Variants in CHAC2 observed in about 807,000 individuals in gnomAD.
The protein encoded by CHAC2 is ChaC glutathione specific gamma-glutamylcyclotransferase 2.
Under a neutral mutation model 16.9 loss-of-function variants are expected in CHAC2, and 20 were observed. The observed-to-expected ratio is 1.18, with a 90% CI of 0.83 to 1.72. The LOEUF is 1.72. Among genes scored for constraint, CHAC2 ranks in the 40% most tolerant of loss-of-function variants. The pLI is 0.00. For missense variants in CHAC2, 269 were observed against 222.2 expected, an observed-to-expected ratio of 1.21 and a Z score of -1.34; for synonymous variants, 91 against 77.3, an observed-to-expected ratio of 1.18 and a Z score of -0.93.
At chr2:53,770,953 A>G (rs1346410610) in intron 1 of CHAC2, among the ~76,000 whole-genome samples, 2 of 152,170 alleles carry the variant, frequency 1.3e-5, no homozygotes, top group African/African-American at 4.8e-5. Context: ...AGTGTAAATC[A>G]CTCATTCTCT....
In CHAC2 at chr2:53,768,053, G is replaced by GC. The variant is rs754103470; in HGVS notation, c.135+37dup. On this transcript the variant is annotated intron_variant, in intron 1 of 2. Coordinates refer to ENST00000295304, the MANE Select transcript of CHAC2 (RefSeq NM_001008708.4). ...CGCCGGTCAGCTCCCCACACTTACTGCCCCCTGACCCCTGCTCCCCAACTC... is the reference window on the plus strand; with the variant it reads ...CGCCGGTCAGCTCCCCACACTTACTGCCCCCCTGACCCCTGCTCCCCAACTC... The GC allele has an allele frequency of 8.1e-6, 13 of 1,608,568 alleles. No homozygotes were observed. In the Admixed American group the frequency reaches 1.8e-4, roughly 23 times the overall value.
At chr2:53,774,039 C>G in intron 2 of CHAC2, 103 bp from the exon 3 acceptor site, 1 of 1,285,892 alleles carries the variant, frequency 7.8e-7, no homozygotes, top group Non-Finnish European at 1.1e-6. Flanking sequence ...ATCTCAAAAA[C>G]AAACAGAAAA....
At position 53,772,415 on chromosome 2, in the gene CHAC2, C is replaced by T. The variant is rs185779344; in HGVS notation, c.171+473C>T. 2.5e-3 allele frequency among the ~76,000 whole-genome samples: 380 copies of T among 152,238 alleles called. 6 individuals are homozygous for T. The highest frequency in any genetic ancestry group is 2.6e-4 in the Non-Finnish European group (18 of 68,000). ...GGTCTCAATCTCCCGACCTCGTGAT[C>T]CGCCCGCCTTGGCCTCCCAAAGTGC... On this transcript the variant is annotated intron_variant, in intron 2 of 2. Transcript: ENST00000295304.
rs1462679514 is a variant in CHAC2, at chr2:53,774,175, G to A, written c.205G>A (p.Val69Ile). The A allele has an allele frequency of 1.2e-6, 2 of 1,612,014 alleles. No individual in the cohort carries two copies. Among genetic ancestry groups the A allele is most frequent in the East Asian group, 2.2e-5 (1 of 44,856 alleles). Residue 69 changes from valine (V) to isoleucine (I), a missense_variant, in exon 3 of 3, where the codon GTA becomes ATA. Transcript: ENST00000295304. ...ATGGGGTGTTGCTTACAGATTGCCA[G>A]TAGGAAAGGAAGAAGAAGTAAAAGC... The part of the protein sequence containing the change: ...CVWGVAYRLP[V>I]GKEEEVKAYL...
intron 1 of CHAC2, 106 bp downstream of exon 1, chr2:53,768,127 G>A: frequency 1.5e-6 from 2 of 1,309,364 alleles, no homozygotes; most frequent in East Asian, 2.4e-5. Flanking sequence ...CGCTTCATGG[G>A]GCCAAAGCAC....
At chr2:53,768,121 T>G in intron 1 of CHAC2, 100 bp downstream of exon 1, 7 of 1,352,296 alleles carry the variant, frequency 5.2e-6, no homozygotes, top group Non-Finnish European at 7.1e-6. Flanking sequence ...CCTTAGCGCT[T>G]CATGGGGCCA....
At chr2:53,773,713 G>A (rs1317358013) in intron 2 of CHAC2, among the ~76,000 whole-genome samples, 4 of 151,604 alleles carry the variant, frequency 2.6e-5, no homozygotes, top group African/African-American at 9.7e-5. Flanking sequence ...ACAGGCGTGA[G>A]CCACCGCTCC....
chr2:53,768,336 A>C (rs936722803), intron 1 of CHAC2: 1 of 253,936 alleles, frequency 3.9e-6, no homozygotes, highest in Non-Finnish European at 7.5e-6. Flanking sequence ...AACCTCTGCC[A>C]AAAGAAAAAA....
rs1673587962 is a variant in CHAC2 at position 53,767,853 on chromosome 2, T to C, written c.-34T>C. 6.3e-7 allele frequency: 1 copy of C among 1,583,000 alleles called. No homozygotes were observed. Among genetic ancestry groups the C allele is most frequent in the Admixed American group, 1.8e-5 (1 of 54,166 alleles). ...CCCGGCGGCGCGGCGACAGCTAGGG[T>C]TCACGGCCACTGGGGCAGAGGAGCC... On this transcript the variant is annotated 5_prime_UTR_variant, in exon 1 of 3. Coordinates refer to ENST00000295304, the MANE Select transcript of CHAC2 (RefSeq NM_001008708.4).
chr2:53,767,954 G>C lies in CHAC2; in HGVS notation c.68G>C (p.Gly23Ala). 1 of 1,614,134 alleles carries C rather than the reference G, an allele frequency of 6.2e-7. No homozygotes were observed. The highest frequency in any genetic ancestry group is 8.5e-7 in the Non-Finnish European group (1 of 1,180,004). The change falls in exon 1 of 3, where the codon GGA becomes GCA. Residue 23 changes from glycine to alanine, a missense_variant. Coordinates refer to ENST00000295304, the MANE Select transcript of CHAC2 (RefSeq NM_001008708.4). Reference protein sequence around the residue: ...VDFPYQDKLVGYITNYSRRFW... With the variant: ...VDFPYQDKLVAYITNYSRRFW... ...TTCCCCTATCAGGACAAGCTGGTCG[G>C]ATACATCACCAACTACAGCAGGCGC... is the stretch of plus-strand genomic sequence containing the variant.
At chr2:53,769,772 G>A (rs970568586) in intron 1 of CHAC2, among the ~76,000 whole-genome samples, 8 of 152,154 alleles carry the variant, frequency 5.3e-5, no homozygotes, top group East Asian at 1.9e-4. Flanking sequence ...CGCTTGGGAG[G>A]CAGACGTTGC....
chr2:53,774,254 A>C lies in CHAC2; in HGVS notation c.284A>C (p.Tyr95Ser), dbSNP rs1203296744. The change falls in exon 3 of 3, where the codon TAT becomes TCT. Residue 95 changes from tyrosine to serine, a missense_variant. By Grantham distance (144) the Tyr-to-Ser change is moderately radical (BLOSUM62 -2). Transcript: ENST00000295304. Reference sequence around the variant, plus strand: ...TACAGAACCACAACAGTCATTTTTTATCCAAAAGATCCCACAACAAAACCA... The same window carrying C: ...TACAGAACCACAACAGTCATTTTTTCTCCAAAAGATCCCACAACAAAACCA... Reference protein sequence around the residue: ...GGYRTTTVIFYPKDPTTKPFS... With the variant: ...GGYRTTTVIFSPKDPTTKPFS... 1.2e-6 allele frequency: 2 copies of C among 1,614,044 alleles called. No individual in the cohort carries two copies. Among genetic ancestry groups the C allele is most frequent in the Non-Finnish European group, 1.7e-6 (2 of 1,180,034 alleles).
chr2:53,772,843 T>C (rs569680247), intron 2 of CHAC2, among the ~76,000 whole-genome samples: 2 of 152,244 alleles, frequency 1.3e-5, no homozygotes, highest in Non-Finnish European at 2.9e-5. Flanking sequence ...ATTAGTTATT[T>C]TTCTAGATCC....
chr2:53,769,734 G>C (rs1005971506), intron 1 of CHAC2, among the ~76,000 whole-genome samples: 7 of 152,334 alleles, frequency 4.6e-5, no homozygotes, highest in Admixed American at 3.9e-4. Context: ...TAGAGTCCCA[G>C]CTACTCTGGA....
At chr2:53,772,283 T>A (rs567207763) in intron 2 of CHAC2, among the ~76,000 whole-genome samples, 1 of 152,264 alleles carries the variant, frequency 6.6e-6, no homozygotes, top group South Asian at 2.1e-4. Context: ...CACGCCATTC[T>A]CCTGCCTCAG....
intron 1 of CHAC2, among the ~76,000 whole-genome samples, chr2:53,771,606 T>C (rs1558573989): frequency 6.6e-6 from 1 of 152,352 alleles, no homozygotes; most frequent in South Asian, 2.1e-4. Flanking sequence ...CCATTTGCCT[T>C]TCATTTTAGA....
At chr2:53,771,427 T>C (rs1673900477) in intron 1 of CHAC2, among the ~76,000 whole-genome samples, 1 of 152,070 alleles carries the variant, frequency 6.6e-6, no homozygotes, top group Non-Finnish European at 1.5e-5. Context: ...GTGAGAGAAT[T>C]GCTTGAGCCC....
intron 1 of CHAC2, among the ~76,000 whole-genome samples, chr2:53,771,402 A>C (rs527717913): frequency 6.6e-6 from 1 of 152,114 alleles, no homozygotes; most frequent in South Asian, 2.1e-4. Context: ...AATCCCAACT[A>C]CTCAGGAGGC....
At chr2:53,772,816 C>T (rs1223025687) in intron 2 of CHAC2, among the ~76,000 whole-genome samples, 1 of 152,074 alleles carries the variant, frequency 6.6e-6, no homozygotes, top group Admixed American at 6.5e-5. Flanking sequence ...CAGGTATTAA[C>T]ATTAAGCCTA....
Sources: allele counts gnomAD v4.1 joint callset (sites outside exome capture counted in the v4.1 genomes callset), GRCh38; gene constraint gnomAD v4.1.1; transcripts MANE v1.5; gene names NCBI Gene and HGNC (gene_info 2026-07-23, HGNC 2026-07-21).